KCNT2: variants seen among roughly 807,000 people sequenced by gnomAD.
The protein encoded by KCNT2 is potassium sodium-activated channel subfamily T member 2, also known as potassium channel subfamily T member 2.
KCNT2 carries 67 observed loss-of-function variants against 153.8 expected under a neutral mutation model. The observed-to-expected ratio is 0.44, with a 90% CI of 0.36 to 0.53. The LOEUF (loss-of-function observed/expected upper bound fraction) is 0.53, where lower values mean the gene tolerates loss of function less well. Among genes scored for constraint, KCNT2 ranks in the 20% least tolerant of loss-of-function variants. The pLI, the probability that KCNT2 is intolerant of heterozygous loss-of-function variation, is 0.00. For synonymous variants in KCNT2, 500 were observed against 458.8 expected (o/e 1.09, Z -1.15); for missense variants, 975 against 1,354.8 (o/e 0.72, Z 4.40).
intron 26 of KCNT2, among the ~76,000 whole-genome samples, chr1:196,246,169 GC>G: frequency 6.6e-6 from 1 of 152,230 alleles, no homozygotes; most frequent in African/African-American, 2.4e-5. Flanking sequence ...AACCTTACAG[GC>G]CAGGAGACAG....
At chr1:196,446,206 C>CA (rs1218217524) in intron 8 of KCNT2, among the ~76,000 whole-genome samples, 1 of 151,064 alleles carries the variant, frequency 6.6e-6, no homozygotes, top group Non-Finnish European at 1.5e-5. Context: ...AAACACATGA[C>CA]AAAAAAATTA....
intron 25 of KCNT2, among the ~76,000 whole-genome samples, chr1:196,263,321 T>C (rs1387656464): frequency 2.0e-5 from 3 of 152,008 alleles, no homozygotes; most frequent in African/African-American, 7.2e-5. Context: ...AAAGGATGAG[T>C]TTATGTCCTT....
At chr1:196,321,341 G>A (rs1431158398) in intron 19 of KCNT2, among the ~76,000 whole-genome samples, 3 of 151,776 alleles carry the variant, frequency 2.0e-5, no homozygotes, top group East Asian at 1.9e-4. Flanking sequence ...AAATCCCTTC[G>A]CCTGTGTCTT....
intron 14 of KCNT2, among the ~76,000 whole-genome samples, chr1:196,370,832 T>C (rs1668462352): frequency 6.6e-6 from 1 of 152,056 alleles, no homozygotes; most frequent in Non-Finnish European, 1.5e-5. Flanking sequence ...AAATAAAATG[T>C]GATATATCCA....
intron 24 of KCNT2, among the ~76,000 whole-genome samples, chr1:196,281,914 T>G (rs935231700): frequency 4.0e-5 from 6 of 151,854 alleles, no homozygotes; most frequent in Non-Finnish European, 8.8e-5. Flanking sequence ...CACACCCAGC[T>G]AATTTTTTGT....
intron 5 of KCNT2, among the ~76,000 whole-genome samples, chr1:196,475,391 G>C (rs1226508251): frequency 6.6e-6 from 1 of 152,086 alleles, no homozygotes; most frequent in Non-Finnish European, 1.5e-5. Context: ...GAGGAGGCAG[G>C]CAGATCACTT....
intron 1 of KCNT2, among the ~76,000 whole-genome samples, chr1:196,553,720 G>C (rs753172020): frequency 6.6e-6 from 1 of 150,830 alleles, no homozygotes; most frequent in African/African-American, 2.4e-5. Flanking sequence ...CATTCTCAAG[G>C]ATAGACCTTA....
At chr1:196,270,238 A>T (rs2477354) in intron 25 of KCNT2, among the ~76,000 whole-genome samples, 1 of 151,680 alleles carries the variant, frequency 6.6e-6, no homozygotes, top group Non-Finnish European at 1.5e-5. Flanking sequence ...TTTGGTAGGG[A>T]TTATAGTGGC....
intron 25 of KCNT2, among the ~76,000 whole-genome samples, chr1:196,270,947 T>C (rs1407597834): frequency 1.3e-5 from 2 of 151,804 alleles, no homozygotes; most frequent in Admixed American, 6.6e-5. Context: ...AGGACCTAAC[T>C]GTGAAGCTTT....
chr1:196,298,147 C>T lies in KCNT2; in HGVS notation c.2595+7087G>A, dbSNP rs186710462. Among the ~76,000 whole-genome samples the T allele has an allele frequency of 2.6e-5, 4 of 152,266 alleles. No homozygotes were observed. In the East Asian group the frequency reaches 7.7e-4, roughly 29 times the overall value. ...AGTAATATATAACTTATAGACATGA[C>T]TGTTTGCATTCTGACATAAATTCTG... On this transcript the variant is annotated intron_variant, in intron 22 of 27. Coordinates refer to ENST00000294725, the MANE Select transcript of KCNT2 (RefSeq NM_198503.5).
chr1:196,402,547 T>C (rs778063636), intron 12 of KCNT2, among the ~76,000 whole-genome samples: 3 of 151,454 alleles, frequency 2.0e-5, no homozygotes, highest in Non-Finnish European at 4.4e-5. Context: ...AAAAAGCCAA[T>C]AGGTATATTA....
At chr1:196,325,766 TA>T in intron 19 of KCNT2, among the ~76,000 whole-genome samples, 1 of 152,252 alleles carries the variant, frequency 6.6e-6, no homozygotes, top group East Asian at 1.9e-4. Flanking sequence ...ACAAGTGTGA[TA>T]AATTTTTGGA....
At chr1:196,473,980 A>G (rs1203117129) in intron 5 of KCNT2, among the ~76,000 whole-genome samples, 3 of 152,146 alleles carry the variant, frequency 2.0e-5, no homozygotes, top group African/African-American at 4.8e-5. Context: ...TCCAAAAAGT[A>G]ACTTCTTTAG....
chr1:196,455,307 T>A (rs138272345), intron 8 of KCNT2, among the ~76,000 whole-genome samples: 16 of 152,144 alleles, frequency 1.1e-4, no homozygotes, highest in Non-Finnish European at 1.5e-4. Context: ...AACATGGACA[T>A]CTTTGAAGGC....
At chr1:196,500,962 T>C (rs1196664032) in intron 1 of KCNT2, among the ~76,000 whole-genome samples, 1 of 152,108 alleles carries the variant, frequency 6.6e-6, no homozygotes, top group Non-Finnish European at 1.5e-5. Context: ...TGCTCAACAA[T>C]GCTAATCATC....
intron 3 of KCNT2, among the ~76,000 whole-genome samples, chr1:196,488,510 CT>C (rs1679611141): frequency 6.6e-6 from 1 of 151,954 alleles, no homozygotes; most frequent in Admixed American, 6.6e-5. Flanking sequence ...TAATTTTACT[CT>C]GCTAACACCC....
chr1:196,554,644 C>G (rs1658395259), intron 1 of KCNT2, among the ~76,000 whole-genome samples: 1 of 151,138 alleles, frequency 6.6e-6, no homozygotes, highest in South Asian at 2.1e-4. Flanking sequence ...TCTACAAGAC[C>G]AGTATTGCCC....
chr1:196,566,119 A>T (rs1295774795), intron 1 of KCNT2, among the ~76,000 whole-genome samples: 1 of 152,014 alleles, frequency 6.6e-6, no homozygotes, highest in Non-Finnish European at 1.5e-5. Context: ...AAAAAGAAAT[A>T]AGCAGACAGT....
rs145880564 is a variant in KCNT2, at chr1:196,592,828, T to A, written c.95+15387A>T. 8.4e-3 allele frequency among the ~76,000 whole-genome samples: 1,254 copies of A among 148,996 alleles called. 11 individuals carry two copies. The highest frequency in any genetic ancestry group is 0.029 in the African/African-American group (1,194 of 41,114). Reference sequence around the variant, plus strand: ...TAATTTAAATGTACTTTTACTTTTATGTATTTTAATTTTTTATTTCTATAA... The same window carrying A: ...TAATTTAAATGTACTTTTACTTTTAAGTATTTTAATTTTTTATTTCTATAA... On this transcript the variant is annotated intron_variant, in intron 1 of 27. Coordinates refer to ENST00000294725, the MANE Select transcript of KCNT2 (RefSeq NM_198503.5).
Sources: gnomAD v4.1 joint callset for allele counts (sites outside exome capture counted in the v4.1 genomes callset) on GRCh38, gnomAD v4.1.1 for gene constraint, MANE v1.5 for transcripts, NCBI Gene and HGNC (gene_info 2026-07-23, HGNC 2026-07-21) for gene names.